NRAP: variants seen among roughly 807,000 people sequenced by gnomAD.
The protein encoded by NRAP is nebulin related anchoring protein, also known as nebulin-related-anchoring protein.
NRAP carries 189 observed loss-of-function variants against 225.9 expected under a neutral mutation model. The ratio of observed to expected loss-of-function variants is 0.84; its 90% CI spans 0.74 to 0.94. The LOEUF (loss-of-function observed/expected upper bound fraction) is 0.94, where lower values mean the gene tolerates loss of function less well. NRAP is among the 40% of genes least tolerant of loss of function. The probability of loss-of-function intolerance (pLI) is 0.00; values close to 1 mark genes in which losing one functional copy is unlikely to be tolerated. For synonymous variants in NRAP, 769 were observed against 790.7 expected, an observed-to-expected ratio of 0.97 and a Z score of 0.46; for missense variants, 2,176 against 2,168.7, an observed-to-expected ratio of 1.00 and a Z score of -0.07.
At chr10:113,600,872 C>G (rs1846556825) in intron 35 of NRAP, among the ~76,000 whole-genome samples, 1 of 152,120 alleles carries the variant, frequency 6.6e-6, no homozygotes, top group Non-Finnish European at 1.5e-5. Flanking sequence ...AATGCCTAGC[C>G]CAGGGTAAGC....
At chr10:113,617,763 T>C (rs1353275843) in intron 25 of NRAP, among the ~76,000 whole-genome samples, 1 of 152,204 alleles carries the variant, frequency 6.6e-6, no homozygotes, top group African/African-American at 2.4e-5. Context: ...AAAGTATTTC[T>C]ACCTGGTGCA....
At chr10:113,646,654 ACT>A (rs1262033586) in intron 10 of NRAP, among the ~76,000 whole-genome samples, 17 of 152,002 alleles carry the variant, frequency 1.1e-4, no homozygotes, top group African/African-American at 4.1e-4. Context: ...ATTTGGCAAA[ACT>A]CTCCTAACAC....
intron 11 of NRAP, among the ~76,000 whole-genome samples, chr10:113,645,022 CGTCTTAAACG>C (rs1486560903): frequency 1.3e-5 from 2 of 152,116 alleles, no homozygotes; most frequent in African/African-American, 2.4e-5. Flanking sequence ...ACAATAAAAA[CGTCTTAAACG>C]GTGGGCAAGC....
intron 14 of NRAP, 65 bp from the exon 15 acceptor site, chr10:113,634,275 C>T (rs933926478): frequency 1.7e-6 from 2 of 1,153,574 alleles, no homozygotes; most frequent in Non-Finnish European, 2.6e-6. Context: ...TTAGCTCCCT[C>T]TCCCAAGCCC....
At position 113,627,211 on chromosome 10, in the gene NRAP, GA is replaced by G. The variant is rs146861836; in HGVS notation, c.2146-1067del. Among the ~76,000 whole-genome samples, 580 of 152,276 alleles carry G rather than the reference GA, an allele frequency of 3.8e-3. 4 individuals are homozygous for G. Among genetic ancestry groups the G allele is most frequent in the African/African-American group, 0.013 (526 of 41,540 alleles). ...TCCCTAGTTCCACTGTGTTGAATGG[GA>G]AAACTCCTTCACCACATAACTGAAG... On this transcript the variant is annotated intron_variant, in intron 20 of 41. Coordinates refer to ENST00000359988, the MANE Select transcript of NRAP (RefSeq NM_198060.4).
chr10:113,621,851 C>T lies in NRAP; in HGVS notation c.2769+18G>A, dbSNP rs753262157. ...ACACACATACACACACAAGTGCACA[C>T]ACTCACACAGAGCTTACATCACTCT... On this transcript the variant is annotated intron_variant, in intron 24 of 41. Coordinates refer to ENST00000359988, the MANE Select transcript of NRAP (RefSeq NM_198060.4). 5 of 1,590,970 alleles carry T rather than the reference C, an allele frequency of 3.1e-6. No individual in the cohort carries two copies. The Admixed American group carries it at 6.8e-5, about 21-fold the overall frequency.
At chr10:113,636,464 T>C (rs1008881538) in intron 14 of NRAP, among the ~76,000 whole-genome samples, 12 of 152,244 alleles carry the variant, frequency 7.9e-5, no homozygotes, top group Non-Finnish European at 1.5e-4. Context: ...CACAAATGTC[T>C]CTGGGAGCCA....
chr10:113,604,881 G>T lies in NRAP; in HGVS notation c.3955C>A (p.Leu1319Ile). Residue 1319 changes from leucine (L) to isoleucine (I), a missense_variant, in exon 35 of 42, where the codon CTC becomes ATC. Physicochemically the swap from Leu to Ile is conservative, Grantham distance 5. Transcript: ENST00000359988. The part of the protein sequence containing the change: ...RHDFVKERGK[L>I]IGPQSVRDDP... ...TCTCTTACACTCTGGGGCCCTATGA[G>T]TTTCCCTCGCTCCTTCACAAAGTCA... The T allele has an allele frequency of 1.9e-6, 3 of 1,614,140 alleles. No individual in the cohort carries two copies. Among genetic ancestry groups the T allele is most frequent in the Non-Finnish European group, 2.5e-6 (3 of 1,179,978 alleles).
chr10:113,655,596 C>T (rs977960823), intron 4 of NRAP, among the ~76,000 whole-genome samples: 1 of 152,004 alleles, frequency 6.6e-6, no homozygotes, highest in Admixed American at 6.6e-5. Flanking sequence ...GCTGGGATTA[C>T]AGGCATGTAC....
rs1185618787 is a variant in NRAP, at chr10:113,589,032, C to T, written c.5136G>A (p.Val1712=). ...VEAGDHQSGE[V]NPDATEILHV... is the part of the protein sequence containing the mutation. ...GCAGAATCTCAGTGGCATCTGGGTT[C>T]ACCTCCCCACTCTGATGATCTCCAG... Residue 1712 remains valine (V), a synonymous_variant, in exon 42 of 42, where the codon GTG becomes GTA. Transcript: ENST00000359988. The T allele has an allele frequency of 6.2e-7, 1 of 1,613,932 alleles. No individual in the cohort carries two copies. The highest frequency in any genetic ancestry group is 8.5e-7 in the Non-Finnish European group (1 of 1,180,018).
At chr10:113,654,189 C>A in intron 4 of NRAP, 64 bp from the exon 5 acceptor site, 1 of 910,276 alleles carries the variant, frequency 1.1e-6, no homozygotes, top group South Asian at 1.4e-5. Flanking sequence ...CACTTACATA[C>A]ATTGTCAAAA....
chr10:113,634,727 G>A (rs150642510), intron 14 of NRAP, among the ~76,000 whole-genome samples: 57 of 152,176 alleles, frequency 3.7e-4, no homozygotes, highest in African/African-American at 1.3e-3. Context: ...TATGCCTGAG[G>A]TCATTTTATA....
chr10:113,656,030 G>T (rs1187005331), intron 4 of NRAP, among the ~76,000 whole-genome samples: 1 of 151,958 alleles, frequency 6.6e-6, no homozygotes, highest in Non-Finnish European at 1.5e-5. Context: ...ATGGAAAGGG[G>T]GAGGTCGAAC....
chr10:113,637,223 T>C (rs1289983399), intron 14 of NRAP, among the ~76,000 whole-genome samples: 1 of 152,180 alleles, frequency 6.6e-6, no homozygotes, highest in Non-Finnish European at 1.5e-5. Context: ...ACATCATGCA[T>C]GTAACTCATT....
chr10:113,620,560 G>T, intron 25 of NRAP, 44 bp downstream of exon 25: 1 of 1,200,822 alleles, frequency 8.3e-7, no homozygotes, highest in Non-Finnish European at 1.2e-6. Context: ...GACGCCGCAC[G>T]CCTAATGCAG....
At chr10:113,616,451 A>T (rs1847670499) in intron 26 of NRAP, among the ~76,000 whole-genome samples, 1 of 152,202 alleles carries the variant, frequency 6.6e-6, no homozygotes, top group African/African-American at 2.4e-5. Flanking sequence ...TGCCCCCTAG[A>T]GTTGGCTAGG....
intron 14 of NRAP, among the ~76,000 whole-genome samples, chr10:113,635,813 T>C (rs973597852): frequency 3.9e-5 from 6 of 152,232 alleles, no homozygotes; most frequent in Middle Eastern, 3.2e-3. Flanking sequence ...CTCCTTCCCT[T>C]ATGCTCACCT....
rs1311588155 is a variant in NRAP at position 113,631,969 on chromosome 10, C to A, written c.1633-5G>T. 1 of 1,541,392 alleles carries A rather than the reference C, an allele frequency of 6.5e-7. No individual in the cohort carries two copies. Among genetic ancestry groups the A allele is most frequent in the Non-Finnish European group, 9.0e-7 (1 of 1,113,980 alleles). ...CCAGCCTTCTTTATACTTAACCTGA[C>A]AAACAAAACCACAAGTGAATAGGAG... On this transcript the variant is annotated splice_region_variant and splice_polypyrimidine_tract_variant and intron_variant, in intron 16 of 41. Transcript: ENST00000359988.
intron 25 of NRAP, among the ~76,000 whole-genome samples, chr10:113,619,619 C>CAAA (rs33990694): frequency 7.0e-6 from 1 of 143,034 alleles, no homozygotes; most frequent in Non-Finnish European, 1.5e-5. Context: ...AAAGACTCCT[C>CAAA]AAAAAAAAAA....
Sources: gnomAD v4.1 joint callset for allele counts (sites outside exome capture counted in the v4.1 genomes callset) on GRCh38, gnomAD v4.1.1 for gene constraint, MANE v1.5 for transcripts, NCBI Gene and HGNC (gene_info 2026-07-23, HGNC 2026-07-21) for gene names.